The following PXDNL variants were observed in gnomAD, a reference collection of about 807,000 sequenced individuals.
PXDNL encodes peroxidasin like.
Under a neutral mutation model 150.8 loss-of-function variants are expected in PXDNL, and 145 were observed. The observed-to-expected ratio is 0.96, with a 90% CI of 0.84 to 1.10. The LOEUF (loss-of-function observed/expected upper bound fraction) is 1.10, where lower values mean the gene tolerates loss of function less well. Ranked by LOEUF, PXDNL falls within the 50% of genes least tolerant of loss-of-function variation. The pLI is 0.00. For synonymous variants in PXDNL, 757 were observed against 725.7 expected (o/e 1.04, Z -0.69); for missense variants, 2,087 against 1,873.9 (o/e 1.11, Z -2.10).
chr8:51,497,737 T>A (rs1423434037), intron 5 of PXDNL, among the ~76,000 whole-genome samples: 1 of 152,180 alleles, frequency 6.6e-6, no homozygotes, highest in Non-Finnish European at 1.5e-5. Flanking sequence ...TGAGATACCA[T>A]CTCACACCAG....
At chr8:51,696,687 A>G (rs1266968745) in intron 1 of PXDNL, among the ~76,000 whole-genome samples, 8 of 151,710 alleles carry the variant, frequency 5.3e-5, no homozygotes, top group Middle Eastern at 3.4e-3. Flanking sequence ...ATCCACACAC[A>G]CAGGTCCACA....
intron 1 of PXDNL, among the ~76,000 whole-genome samples, chr8:51,753,725 G>A (rs765041347): frequency 6.6e-5 from 10 of 152,172 alleles, no homozygotes; most frequent in Admixed American, 1.3e-4. Context: ...AGTACATAAC[G>A]GGAAATAAAC....
chr8:51,727,574 G>T (rs1162245696), intron 1 of PXDNL, among the ~76,000 whole-genome samples: 1 of 152,090 alleles, frequency 6.6e-6, no homozygotes, highest in African/African-American at 2.4e-5. Context: ...TTGGCCTAAG[G>T]TTTCCTCTGT....
At chr8:51,367,556 CT>C (rs1372267638) in intron 19 of PXDNL, among the ~76,000 whole-genome samples, 10 of 152,106 alleles carry the variant, frequency 6.6e-5, no homozygotes, top group Non-Finnish European at 1.5e-4. Flanking sequence ...ACCTCAGCAA[CT>C]TTACTTTGGG....
chr8:51,355,516 T>A (rs1294622367), intron 19 of PXDNL, among the ~76,000 whole-genome samples: 2 of 152,210 alleles, frequency 1.3e-5, no homozygotes, highest in African/African-American at 4.8e-5. Context: ...AATCGAGTGG[T>A]ATAGTGTCTT....
intron 4 of PXDNL, among the ~76,000 whole-genome samples, chr8:51,537,396 A>AT (rs2130465229): frequency 6.6e-6 from 1 of 152,356 alleles, no homozygotes; most frequent in East Asian, 1.9e-4. Context: ...AAACTCAGAC[A>AT]TATAAATTGG....
intron 17 of PXDNL, among the ~76,000 whole-genome samples, chr8:51,388,549 G>A (rs1332168340): frequency 6.6e-6 from 1 of 152,112 alleles, no homozygotes; most frequent in Admixed American, 6.5e-5. Context: ...TAAGTGAGAT[G>A]TTCTGCAGAT....
At chr8:51,566,581 G>C in intron 3 of PXDNL, among the ~76,000 whole-genome samples, 1 of 151,554 alleles carries the variant, frequency 6.6e-6, no homozygotes, top group East Asian at 1.9e-4. Flanking sequence ...GCTTAAAATT[G>C]CTAATAATAC....
rs569722844 is a variant in PXDNL at position 51,629,936 on chromosome 8, A to G, written c.236+24753T>C. On this transcript the variant is annotated intron_variant, in intron 2 of 22. Transcript: ENST00000356297. Reference sequence around the variant, plus strand: ...ATTTTTCAAAGAATTAGAAAAATCTATTTTACAATTAATATGGAACCAAAA... The same window carrying G: ...ATTTTTCAAAGAATTAGAAAAATCTGTTTTACAATTAATATGGAACCAAAA... Among the ~76,000 whole-genome samples, 3 of 152,312 alleles carry G rather than the reference A, an allele frequency of 2.0e-5. No individual in the cohort carries two copies. The South Asian group carries it at 6.2e-4, about 32-fold the overall frequency.
intron 6 of PXDNL, among the ~76,000 whole-genome samples, chr8:51,480,766 G>T (rs965435083): frequency 1.3e-5 from 2 of 152,170 alleles, no homozygotes; most frequent in African/African-American, 4.8e-5. Flanking sequence ...TTTTATAAAT[G>T]GGAGTTCCCC....
chr8:51,393,130 A>G (rs1382065691), intron 17 of PXDNL, among the ~76,000 whole-genome samples: 1 of 152,222 alleles, frequency 6.6e-6, no homozygotes, highest in African/African-American at 2.4e-5. Context: ...TGCTACCTAT[A>G]GAAAGACAGG....
At chr8:51,732,470 C>T (rs1266758747) in intron 1 of PXDNL, among the ~76,000 whole-genome samples, 3 of 152,188 alleles carry the variant, frequency 2.0e-5, no homozygotes, top group Non-Finnish European at 4.4e-5. Context: ...ATCTTCCTCT[C>T]TTCTTCTGAG....
intron 20 of PXDNL, chr8:51,340,080 G>A (rs865790339): frequency 3.8e-4 from 63 of 164,090 alleles, no homozygotes; most frequent in South Asian, 2.8e-3. Context: ...TTTTGCTAAC[G>A]AATTCTTCAT....
chr8:51,611,974 G>A (rs1814015781), intron 2 of PXDNL, among the ~76,000 whole-genome samples: 1 of 152,252 alleles, frequency 6.6e-6, no homozygotes, highest in South Asian at 2.1e-4. Flanking sequence ...AGGAGCAGAT[G>A]CAGGCAGATC....
At position 51,393,313 on chromosome 8, in the gene PXDNL, T is replaced by G. The variant is rs572154392; in HGVS notation, c.3557+14754A>C. Among the ~76,000 whole-genome samples the G allele has an allele frequency of 1.4e-4, 22 of 152,334 alleles. No homozygotes were observed. The East Asian group carries it at 4.2e-3, about 29-fold the overall frequency. On this transcript the variant is annotated intron_variant, in intron 17 of 22. Transcript: ENST00000356297. ...TCTTGACATACTTTAAATTATTTCA[T>G]CTTCTCAGTAAACTGATGAGACACA...
intron 1 of PXDNL, among the ~76,000 whole-genome samples, chr8:51,768,952 A>T (rs1459948744): frequency 2.0e-5 from 3 of 152,202 alleles, no homozygotes; most frequent in African/African-American, 7.2e-5. Flanking sequence ...AATGAAAAAA[A>T]TTAGCTGGGA....
intron 1 of PXDNL, among the ~76,000 whole-genome samples, chr8:51,781,481 T>G (rs2037414592): frequency 6.6e-6 from 1 of 152,226 alleles, no homozygotes; most frequent in African/African-American, 2.4e-5. Context: ...ATCAGCTTTC[T>G]GGGAACACCT....
intron 2 of PXDNL, among the ~76,000 whole-genome samples, chr8:51,629,464 T>C (rs1814442535): frequency 6.7e-6 from 1 of 149,992 alleles, no homozygotes; most frequent in South Asian, 2.1e-4. Flanking sequence ...AAATGAGAAA[T>C]CCCAAGAAAA....
chr8:51,368,725 G>A (rs1806996276), intron 19 of PXDNL, among the ~76,000 whole-genome samples: 1 of 152,140 alleles, frequency 6.6e-6, no homozygotes, highest in Non-Finnish European at 1.5e-5. Context: ...ACTGGGCATG[G>A]TGGTTCACAC....
Sources: allele counts gnomAD v4.1 joint callset (sites outside exome capture counted in the v4.1 genomes callset), GRCh38; gene constraint gnomAD v4.1.1; transcripts MANE v1.5; gene names NCBI Gene and HGNC (gene_info 2026-07-23, HGNC 2026-07-21).